Variants in UPK1A observed in about 807,000 individuals in gnomAD.
UPK1A encodes uroplakin-1a.
Under a neutral mutation model 32.3 loss-of-function variants are expected in UPK1A, and 31 were observed. That is an observed-to-expected ratio of 0.96 (90% confidence interval 0.72 to 1.30). The LOEUF is 1.30. Ranked by LOEUF, UPK1A falls within the 50% of genes most tolerant of loss-of-function variation. The pLI, the probability that UPK1A is intolerant of heterozygous loss-of-function variation, is 0.00. For synonymous variants in UPK1A, 135 were observed against 137.1 expected (o/e 0.98, Z 0.11); for missense variants, 340 against 357.4 (o/e 0.95, Z 0.39).
chr19:35,673,480 T>G, exon 5 of UPK1A: 1 of 1,613,562 alleles, frequency 6.2e-7, no homozygotes, highest in African/African-American at 1.3e-5. Flanking sequence ...GATGCTGACC[T>G]TCTACAGCGC....
exon 8 of UPK1A, chr19:35,678,120 A>G (rs1968212146): frequency 1.4e-6 from 2 of 1,389,712 alleles, no homozygotes; most frequent in East Asian, 2.5e-5. Context: ...CTCACCTCCC[A>G]ACGTCCCTAG....
intron 6 of UPK1A, chr19:35,676,405 G>T (rs958474147): frequency 2.5e-5 from 8 of 316,096 alleles, no homozygotes; most frequent in Admixed American, 9.3e-5. Context: ...GTCCAGGCTG[G>T]TCTCGAACTC....
At position 35,678,009 on chromosome 19, in the gene UPK1A, C is replaced by T. The variant is rs201322569; in HGVS notation, c.767C>T (p.Thr256Ile). ...ATGCTGATAGCCATGTATTTCTACACCATGCTCTGAGGGACAGGAGGGGAA... is the reference window on the plus strand; with the variant it reads ...ATGCTGATAGCCATGTATTTCTACATCATGCTCTGAGGGACAGGAGGGGAA... Residue 256 changes from threonine to isoleucine, a missense_variant, in exon 8 of 8, where the codon ACC (threonine) becomes ATC (isoleucine). By Grantham distance (89) the Thr-to-Ile change is moderately conservative (BLOSUM62 -1). Transcript: ENST00000617999. 10 of 1,596,282 alleles carry T rather than the reference C, an allele frequency of 6.3e-6. No individual in the cohort carries two copies. In the South Asian group the frequency reaches 1.0e-4, roughly 16 times the overall value.
intron 2 of UPK1A, chr19:35,668,040 G>A (rs926365569): frequency 1.6e-5 from 4 of 252,308 alleles, no homozygotes; most frequent in East Asian, 2.2e-4. Context: ...CTCCCGCCTC[G>A]GCCTCCCACA....
chr19:35,672,050 C>T (rs1408960029), intron 3 of UPK1A, among the ~76,000 whole-genome samples: 1 of 152,196 alleles, frequency 6.6e-6, no homozygotes, highest in Non-Finnish European at 1.5e-5. Flanking sequence ...AGAGTTCACA[C>T]ATCCACACGC....
In UPK1A at chr19:35,669,688, A is replaced by G. The variant is rs1238176466; in HGVS notation, c.285+1034A>G. On this transcript the variant is annotated intron_variant, in intron 3 of 7. Transcript: ENST00000617999. ...TCCATCTCAAAAAAAAGGAAAGAAAATGAGCTTCCTCAATCTTGCCAGAAG... is the reference window on the plus strand; with the variant it reads ...TCCATCTCAAAAAAAAGGAAAGAAAGTGAGCTTCCTCAATCTTGCCAGAAG... Among the ~76,000 whole-genome samples, 5 of 152,108 alleles carry G rather than the reference A, an allele frequency of 3.3e-5. No homozygotes were observed. In the South Asian group the frequency reaches 1.0e-3, roughly 32 times the overall value.
Position 35,674,339 on chromosome 19 carries a change from C to T in UPK1A, c.468+794C>T, listed in dbSNP as rs1968150516. Among the ~76,000 whole-genome samples the T allele has an allele frequency of 1.3e-5, 2 of 150,468 alleles. 1 individual carries two copies. The highest frequency in any genetic ancestry group is 4.2e-4 in the South Asian group (2 of 4,746). On this transcript the variant is annotated intron_variant, in intron 5 of 7. Transcript: ENST00000617999. ...TCGGCTCACTGCAAGCTCCGCCTCCCGGGTTCACGCTATTCTCCTGCCTCA... is the reference window on the plus strand; with the variant it reads ...TCGGCTCACTGCAAGCTCCGCCTCCTGGGTTCACGCTATTCTCCTGCCTCA...
At chr19:35,675,173 T>A (rs913943658) in intron 5 of UPK1A, among the ~76,000 whole-genome samples, 2 of 152,130 alleles carry the variant, frequency 1.3e-5, no homozygotes, top group African/African-American at 4.8e-5. Flanking sequence ...GTTTTCCTCA[T>A]TCAGGAGCCA....
chr19:35,668,757 T>C (rs1968041687), intron 3 of UPK1A, 103 bp downstream of exon 3: 3 of 1,288,098 alleles, frequency 2.3e-6, no homozygotes, highest in Non-Finnish European at 3.2e-6. Context: ...GAGTTCCCCA[T>C]GGTGTCACAC....
At position 35,666,551 on chromosome 19, in the gene UPK1A, C is replaced by A; in HGVS notation, c.-5+13C>A. On this transcript the variant is annotated intron_variant, in intron 1 of 7. Coordinates refer to ENST00000617999, the Ensembl canonical transcript of UPK1A. ...GCAGACAGAGAAGGTGAGGAGGGGG[C>A]CCTGGGAGTCTGGGTATGGCATGAG... 2.0e-6 allele frequency: 1 copy of A among 493,102 alleles called. No homozygotes were observed. Among genetic ancestry groups the A allele is most frequent in the Non-Finnish European group, 3.7e-6 (1 of 271,890 alleles). The allele number at this position is 493,102 out of a possible 1,614,324, so 30.5% of individuals were successfully genotyped here. A position where few individuals can be genotyped will look rare whatever the true frequency, so the allele number is the denominator to read the frequency against.
chr19:35,676,069 T>C (rs780009165), intron 6 of UPK1A, 50 bp downstream of exon 6: 33 of 1,558,928 alleles, frequency 2.1e-5, no homozygotes, highest in Non-Finnish European at 2.7e-5. Flanking sequence ...TCTGTCTTCC[T>C]CTGGTCTCTG....
chr19:35,678,149 T>G, exon 8 of UPK1A: 4 of 1,197,640 alleles, frequency 3.3e-6, no homozygotes, highest in Non-Finnish European at 4.6e-6. Flanking sequence ...TCCTTCCACT[T>G]CCAAGATCTT....
chr19:35,669,499 T>TTA (rs1968052715), intron 3 of UPK1A, among the ~76,000 whole-genome samples: 3 of 116,268 alleles, frequency 2.6e-5, no homozygotes, highest in South Asian at 2.6e-4. Context: ...ATCCCATCTC[T>TTA]AAAAAAAAAA....
intron 2 of UPK1A, among the ~76,000 whole-genome samples, chr19:35,667,785 C>G (rs892507995): frequency 6.6e-6 from 1 of 151,594 alleles, no homozygotes; most frequent in African/African-American, 2.4e-5. Flanking sequence ...TAAGCCACCG[C>G]GACTGGCCGT....
chr19:35,666,853 C>T (rs748635844), exon 2 of UPK1A: 2 of 1,614,112 alleles, frequency 1.2e-6, no homozygotes, highest in East Asian at 2.2e-5. Context: ...AAGGGATCTC[C>T]AGTTGTGGTG....
At chr19:35,674,032 G>A (rs150979453) in intron 5 of UPK1A, among the ~76,000 whole-genome samples, 1,648 of 150,652 alleles carry the variant, frequency 0.011, 14 homozygotes, top group Non-Finnish European at 0.018. Flanking sequence ...CGAGTAGCTG[G>A]GAATACAGGT....
Position 35,671,527 on chromosome 19 carries a change from G to T in UPK1A, c.286-1705G>T, listed in dbSNP as rs1443162699. Among the ~76,000 whole-genome samples the T allele has an allele frequency of 3.5e-4, 47 of 133,598 alleles. No homozygotes were observed. The South Asian group carries it at 8.4e-3, about 24-fold the overall frequency. 87.6% of individuals were successfully genotyped at this position (133,598 alleles called of 152,430 possible). On this transcript the variant is annotated intron_variant, in intron 3 of 7. Coordinates refer to ENST00000617999, the Ensembl canonical transcript of UPK1A. Reference sequence around the variant, plus strand: ...GGCTGGAGTGCAGTGGTGCGATCTCGGCTCACTGCAAGCTCCGCCTCCCGG... The same window carrying T: ...GGCTGGAGTGCAGTGGTGCGATCTCTGCTCACTGCAAGCTCCGCCTCCCGG...
At chr19:35,667,285 C>T (rs1197724331) in intron 2 of UPK1A, among the ~76,000 whole-genome samples, 1 of 151,892 alleles carries the variant, frequency 6.6e-6, no homozygotes, top group African/African-American at 2.4e-5. Context: ...TTTCAATTAA[C>T]ATTGGGTTTT....
chr19:35,675,254 T>C (rs748538977), intron 5 of UPK1A, among the ~76,000 whole-genome samples: 1 of 152,144 alleles, frequency 6.6e-6, no homozygotes. Flanking sequence ...TGTTATTTTA[T>C]CAGCATAGTT....
Sources: allele counts gnomAD v4.1 joint callset (sites outside exome capture counted in the v4.1 genomes callset), GRCh38; gene constraint gnomAD v4.1.1; transcripts MANE v1.5; gene names NCBI Gene and HGNC (gene_info 2026-07-23, HGNC 2026-07-21).